ANXA8: variants seen among roughly 807,000 people sequenced by gnomAD.
ANXA8 encodes the protein VAC-beta.
In ANXA8, 9 loss-of-function variants were observed where a neutral mutation model predicts 26.8. The ratio of observed to expected loss-of-function variants is 0.34; its 90% CI spans 0.20 to 0.59. The LOEUF (loss-of-function observed/expected upper bound fraction) is 0.59. Ranked by LOEUF, ANXA8 falls within the 20% of genes least tolerant of loss-of-function variation. ANXA8 has a pLI of 0.84. For missense variants in ANXA8, 83 were observed against 238.5 expected, an observed-to-expected ratio of 0.35 and a Z score of 4.29; for synonymous variants, 39 against 94.8, an observed-to-expected ratio of 0.41 and a Z score of 3.42.
At chr10:47,476,587 C>T (rs1355794789) in intron 4 of ANXA8, among the ~76,000 whole-genome samples, 12 of 89,302 alleles carry the variant, frequency 1.3e-4, no homozygotes, top group African/African-American at 2.1e-4. Flanking sequence ...CTAAGCATCC[C>T]GATCCATAAA....
At chr10:47,658,724 C>CT in the ANXA8 span, among the ~76,000 whole-genome samples, 1,184 of 138,592 alleles carry the variant, frequency 8.5e-3, 1 homozygote, top group Non-Finnish European at 0.014. Flanking sequence ...AACTCTGTCC[C>CT]TTGCAACTTC....
At chr10:47,970,535 G>A in the ANXA8 span, 2 of 151,256 alleles carry the variant, frequency 1.3e-5, no homozygotes, top group Non-Finnish European at 3.0e-5. Context: ...GTCAGTAAGT[G>A]CACTTTGTGT....
At chr10:47,580,510 C>T in the ANXA8 span, among the ~76,000 whole-genome samples, 5 of 150,852 alleles carry the variant, frequency 3.3e-5, no homozygotes, top group Admixed American at 6.6e-5. Context: ...CTGAGACAGG[C>T]GGATCACTTG....
At chr10:47,591,604 C>T in the ANXA8 span, among the ~76,000 whole-genome samples, 1 of 143,728 alleles carries the variant, frequency 7.0e-6, no homozygotes, top group Non-Finnish European at 1.5e-5. Flanking sequence ...CCACCAGGCC[C>T]GGCTAATTTT....
the ANXA8 span, chr10:47,502,975 G>A: frequency 1.9e-6 from 3 of 1,564,048 alleles, 1 homozygote; most frequent in Middle Eastern, 1.8e-4. Context: ...CTTGGGGCTG[G>A]TGGTGCTGGA....
At chr10:47,627,253 T>C in the ANXA8 span, among the ~76,000 whole-genome samples, 1 of 150,120 alleles carries the variant, frequency 6.7e-6, no homozygotes, top group East Asian at 1.9e-4. Context: ...GTAGCACTCA[T>C]ACTGTCATTT....
chr10:47,717,946 C>T, the ANXA8 span, among the ~76,000 whole-genome samples: 54 of 147,496 alleles, frequency 3.7e-4, no homozygotes, highest in South Asian at 2.2e-4. Context: ...TGCAGTGAGC[C>T]GAGATTGCAC....
chr10:47,668,967 G>A, the ANXA8 span, among the ~76,000 whole-genome samples: 1 of 151,806 alleles, frequency 6.6e-6, no homozygotes, highest in African/African-American at 2.4e-5. Flanking sequence ...CTGGTGGGAG[G>A]AGGTCTGTAT....
the ANXA8 span, among the ~76,000 whole-genome samples, chr10:47,957,379 A>G: frequency 6.6e-6 from 1 of 150,378 alleles, no homozygotes; most frequent in African/African-American, 2.5e-5. Flanking sequence ...ATTTTCTTTC[A>G]TTCCTGTCAA....
At chr10:47,548,547 C>A in the ANXA8 span, among the ~76,000 whole-genome samples, 24 of 151,952 alleles carry the variant, frequency 1.6e-4, no homozygotes, top group Admixed American at 1.6e-3. Context: ...GTGATTCACC[C>A]ACTTCGGTCT....
the ANXA8 span, among the ~76,000 whole-genome samples, chr10:47,580,755 AAAAAAAAAAAC>A: frequency 1.6e-5 from 1 of 63,784 alleles, no homozygotes. Context: ...AAACAAAACA[AAAAAAAAAAAC>A]AAAAACAAAA....
At chr10:47,985,628 C>T in the ANXA8 span, 2 of 119,032 alleles carry the variant, frequency 1.7e-5, no homozygotes, top group Admixed American at 8.8e-5. Flanking sequence ...TCCTGTCCCT[C>T]CCCCACTGTA....
the ANXA8 span, among the ~76,000 whole-genome samples, chr10:47,697,859 G>A: frequency 2.8e-5 from 3 of 108,066 alleles, no homozygotes; most frequent in African/African-American, 1.1e-4. Context: ...TAAAATATTT[G>A]CAGGTGATAA....
At chr10:47,646,358 C>T in the ANXA8 span, among the ~76,000 whole-genome samples, 1 of 141,714 alleles carries the variant, frequency 7.1e-6, no homozygotes, top group Admixed American at 7.1e-5. Flanking sequence ...ATCTGGCCCC[C>T]ACCTCACTTA....
the ANXA8 span, among the ~76,000 whole-genome samples, chr10:47,566,423 G>A: frequency 1.3e-5 from 2 of 150,496 alleles, no homozygotes; most frequent in East Asian, 1.9e-4. Context: ...AAACTGAGCC[G>A]CAGAAACCCC....
At chr10:47,581,665 G>A in the ANXA8 span, 9 of 363,622 alleles carry the variant, frequency 2.5e-5, no homozygotes, top group African/African-American at 2.0e-4. Context: ...GGAGTGCAGT[G>A]GCACGATCTC....
At chr10:47,711,136 T>C in the ANXA8 span, among the ~76,000 whole-genome samples, 1 of 145,584 alleles carries the variant, frequency 6.9e-6, no homozygotes, top group African/African-American at 2.6e-5. Context: ...ACAATTAATG[T>C]TCAATAAATT....
At chr10:47,680,507 T>C in the ANXA8 span, among the ~76,000 whole-genome samples, 1 of 151,754 alleles carries the variant, frequency 6.6e-6, no homozygotes, top group Non-Finnish European at 1.5e-5. Flanking sequence ...TGGTGGTGCA[T>C]GCCTGTAATT....
At chr10:47,941,324 G>A in the ANXA8 span, among the ~76,000 whole-genome samples, 1 of 146,390 alleles carries the variant, frequency 6.8e-6, no homozygotes, top group Non-Finnish European at 1.5e-5. Context: ...CTCTGAGCGT[G>A]GGGATGGTCC....
Sources: allele counts gnomAD v4.1 joint callset (sites outside exome capture counted in the v4.1 genomes callset), GRCh38; gene constraint gnomAD v4.1.1; transcripts MANE v1.5; gene names NCBI Gene and HGNC (gene_info 2026-07-23, HGNC 2026-07-21).